Variants in LRP1B observed in about 807,000 individuals in gnomAD.
LRP1B encodes the protein low-density lipoprotein receptor-related protein 1B.
In LRP1B, 217 loss-of-function variants were observed where a neutral mutation model predicts 556.6. The observed-to-expected ratio is 0.39, with a 90% confidence interval of 0.35 to 0.44. The LOEUF is 0.44. Ranked by LOEUF, LRP1B falls within the 20% of genes least tolerant of loss-of-function variation. The pLI, the probability that LRP1B is intolerant of heterozygous loss-of-function variation, is 1.00. For synonymous variants in LRP1B, 2,047 were observed against 1,865.8 expected (o/e 1.10, Z -2.50); for missense variants, 5,053 against 5,620.8 (o/e 0.90, Z 3.23).
At chr2:140,399,862 T>C (rs114453767) in intron 66 of LRP1B, among the ~76,000 whole-genome samples, 2,056 of 152,322 alleles carry the variant, frequency 0.013, 41 homozygotes, top group African/African-American at 0.047. Context: ...TTGTACATTG[T>C]AAGCTAGTTT....
At chr2:140,534,794 G>T (rs138042273) in intron 46 of LRP1B, among the ~76,000 whole-genome samples, 19 of 152,144 alleles carry the variant, frequency 1.2e-4, no homozygotes, top group Admixed American at 3.9e-4. Flanking sequence ...GCTCTGTATT[G>T]AGTATATGTA....
intron 43 of LRP1B, among the ~76,000 whole-genome samples, chr2:140,584,875 C>A (rs887695208): frequency 1.3e-5 from 2 of 151,410 alleles, no homozygotes; most frequent in African/African-American, 4.9e-5. Flanking sequence ...TTGATTTTGG[C>A]CTTTTCTTTT....
intron 20 of LRP1B, among the ~76,000 whole-genome samples, chr2:140,931,845 G>T (rs895397869): frequency 1.3e-5 from 2 of 152,040 alleles, no homozygotes; most frequent in Non-Finnish European, 2.9e-5. Context: ...TTAATCCGCT[G>T]AATTGGCTAT....
rs1388574243 is a variant in LRP1B, at chr2:142,100,965, GA to G, written c.82+29682del. ...GGGGACAAGGAAAAGAAAGAGAAAG[GA>G]AGAGAGGGAAAGAGGAGTTCTCAAT... On this transcript the variant is annotated intron_variant, in intron 1 of 90. Coordinates refer to ENST00000389484, the MANE Select transcript of LRP1B (RefSeq NM_018557.3). Among the ~76,000 whole-genome samples the G allele has an allele frequency of 2.9e-4, 44 of 151,982 alleles. No homozygotes were observed. In the Admixed American group the frequency reaches 2.9e-3, roughly 10 times the overall value.
chr2:140,830,438 T>A (rs1691676576), intron 31 of LRP1B, among the ~76,000 whole-genome samples: 2 of 152,136 alleles, frequency 1.3e-5, no homozygotes, highest in African/African-American at 2.4e-5. Context: ...GATACAAGGA[T>A]GGTCCAACCT....
intron 60 of LRP1B, among the ~76,000 whole-genome samples, chr2:140,461,390 G>T (rs1687312639): frequency 6.6e-6 from 1 of 151,996 alleles, no homozygotes; most frequent in African/African-American, 2.4e-5. Context: ...CTTTGACAGG[G>T]CTTTCTGCAC....
intron 41 of LRP1B, among the ~76,000 whole-genome samples, chr2:140,632,943 G>A (rs1463583965): frequency 6.6e-6 from 1 of 151,830 alleles, no homozygotes; most frequent in Non-Finnish European, 1.5e-5. Context: ...GGCACCTGTA[G>A]TCCCAGCTAC....
chr2:142,034,021 C>T (rs1703792622), intron 1 of LRP1B, among the ~76,000 whole-genome samples: 1 of 151,808 alleles, frequency 6.6e-6, no homozygotes, highest in East Asian at 1.9e-4. Context: ...TCCCACATTG[C>T]CAGAAACTTG....
intron 31 of LRP1B, among the ~76,000 whole-genome samples, chr2:140,838,023 T>C (rs577212544): frequency 1.3e-5 from 2 of 152,092 alleles, no homozygotes; most frequent in Admixed American, 6.6e-5. Context: ...AGTACCTCTC[T>C]TATAAACTTT....
At chr2:141,950,431 T>C (rs1701074909) in intron 1 of LRP1B, among the ~76,000 whole-genome samples, 1 of 152,178 alleles carries the variant, frequency 6.6e-6, no homozygotes. Flanking sequence ...TTATGTTCCA[T>C]GGAATCCAGT....
chr2:141,461,216 C>G (rs547978395), intron 3 of LRP1B, among the ~76,000 whole-genome samples: 8 of 152,084 alleles, frequency 5.3e-5, no homozygotes, highest in Non-Finnish European at 1.2e-4. Context: ...GGAAGAAAAC[C>G]AAGAGACTGT....
chr2:141,751,904 A>G (rs1254115658), intron 2 of LRP1B, among the ~76,000 whole-genome samples: 1 of 150,548 alleles, frequency 6.6e-6, no homozygotes, highest in African/African-American at 2.4e-5. Context: ...GTGCTTTTAA[A>G]TTGTTTCAAA....
chr2:140,812,468 T>C (rs1225357896), intron 32 of LRP1B, among the ~76,000 whole-genome samples: 2 of 152,202 alleles, frequency 1.3e-5, no homozygotes, highest in African/African-American at 4.8e-5. Flanking sequence ...TATTTTTAAT[T>C]TAATTGAAAA....
At chr2:140,876,734 AT>A (rs1693317888) in intron 25 of LRP1B, among the ~76,000 whole-genome samples, 1 of 152,196 alleles carries the variant, frequency 6.6e-6, no homozygotes, top group Admixed American at 6.5e-5. Flanking sequence ...CAACTTTAAA[AT>A]AGTCTTATCT....
intron 2 of LRP1B, among the ~76,000 whole-genome samples, chr2:141,772,328 C>CTAT (rs1030144746): frequency 5.9e-5 from 9 of 152,232 alleles, no homozygotes; most frequent in African/African-American, 1.9e-4. Context: ...TAATTTGTTC[C>CTAT]TATTTCTCCA....
intron 41 of LRP1B, among the ~76,000 whole-genome samples, chr2:140,679,408 G>C (rs1345412450): frequency 6.6e-6 from 1 of 152,108 alleles, no homozygotes; most frequent in Non-Finnish European, 1.5e-5. Flanking sequence ...TCTAGAGCAG[G>C]TTTTATACTT....
chr2:141,538,859 G>A (rs1451355157), intron 2 of LRP1B, among the ~76,000 whole-genome samples: 3 of 151,876 alleles, frequency 2.0e-5, no homozygotes, highest in Non-Finnish European at 4.4e-5. Context: ...GGCTGGTCTT[G>A]AACTCATAAC....
chr2:140,471,099 G>A (rs1041111322), intron 60 of LRP1B, among the ~76,000 whole-genome samples: 1 of 152,142 alleles, frequency 6.6e-6, no homozygotes, highest in Non-Finnish European at 1.5e-5. Context: ...GGATCAGTCT[G>A]TTTTTGTATA....
chr2:141,808,708 A>T (rs1430019736), intron 2 of LRP1B, among the ~76,000 whole-genome samples: 1 of 152,004 alleles, frequency 6.6e-6, no homozygotes, highest in Non-Finnish European at 1.5e-5. Flanking sequence ...CCCCCAAAAG[A>T]CCGTATATTC....
Sources: allele counts gnomAD v4.1 joint callset (sites outside exome capture counted in the v4.1 genomes callset), GRCh38; gene constraint gnomAD v4.1.1; transcripts MANE v1.5; gene names NCBI Gene and HGNC (gene_info 2026-07-23, HGNC 2026-07-21).